Variants in PTPRD observed in about 807,000 individuals in gnomAD.
The protein encoded by PTPRD is protein tyrosine phosphatase receptor type D.
In PTPRD, 34 loss-of-function variants were observed where a neutral mutation model predicts 214.5. That is an observed-to-expected ratio of 0.16 (90% CI 0.12 to 0.21). The LOEUF is 0.21. Ranked by LOEUF, PTPRD falls within the 10% of genes least tolerant of loss-of-function variation. The probability of loss-of-function intolerance (pLI) is 1.00; values close to 1 mark genes in which losing one functional copy is unlikely to be tolerated. For synonymous variants in PTPRD, 1,128 were observed against 845.7 expected, an observed-to-expected ratio of 1.33 and a Z score of -5.79; for missense variants, 2,545 against 2,398.7, an observed-to-expected ratio of 1.06 and a Z score of -1.27.
intron 9 of PTPRD, among the ~76,000 whole-genome samples, chr9:9,316,340 C>T (rs1183020261): frequency 1.3e-5 from 2 of 151,950 alleles, no homozygotes; most frequent in Non-Finnish European, 2.9e-5. Flanking sequence ...GATTGAATTG[C>T]AGACACATTT....
At chr9:8,774,715 G>C (rs186546160) in intron 11 of PTPRD, among the ~76,000 whole-genome samples, 2 of 151,724 alleles carry the variant, frequency 1.3e-5, no homozygotes, top group South Asian at 4.2e-4. Context: ...TGTATTTTTA[G>C]TAGAGACGGG....
chr9:10,129,932 T>C lies in PTPRD; in HGVS notation c.-544-96142A>G, dbSNP rs1334936373. 2.0e-5 allele frequency among the ~76,000 whole-genome samples: 3 copies of C among 152,082 alleles called. No homozygotes were observed. In the East Asian group the frequency reaches 5.8e-4, roughly 29 times the overall value. On this transcript the variant is annotated intron_variant, in intron 3 of 45. Coordinates refer to ENST00000381196, the MANE Select transcript of PTPRD (RefSeq NM_002839.4). ...GTTTGGTTTAGTGGAAATAACCAAA[T>C]GTTTTTTTTTAAATATTCTTTCCCT... is the stretch of plus-strand genomic sequence containing the variant.
At chr9:8,334,353 A>AATCAATC (rs1473838033) in intron 43 of PTPRD, among the ~76,000 whole-genome samples, 5 of 151,898 alleles carry the variant, frequency 3.3e-5, no homozygotes, top group Non-Finnish European at 5.9e-5. Context: ...ACCACAGTGC[A>AATCAATC]ATCAAATTAG....
At chr9:8,356,381 G>A (rs1443827801) in intron 39 of PTPRD, among the ~76,000 whole-genome samples, 10 of 152,084 alleles carry the variant, frequency 6.6e-5, no homozygotes, top group African/African-American at 7.2e-5. Flanking sequence ...TATGACCAAG[G>A]GGCACAGCAA....
At chr9:10,000,669 C>T (rs543006464) in intron 4 of PTPRD, among the ~76,000 whole-genome samples, 3 of 152,116 alleles carry the variant, frequency 2.0e-5, no homozygotes, top group Admixed American at 6.5e-5. Flanking sequence ...AAACAGCTCC[C>T]GAAACATTTC....
At chr9:9,929,885 C>G (rs1190900343) in intron 5 of PTPRD, among the ~76,000 whole-genome samples, 1 of 152,160 alleles carries the variant, frequency 6.6e-6, no homozygotes, top group Non-Finnish European at 1.5e-5. Flanking sequence ...GGTCTGTTTT[C>G]TTTTGCCATA....
At chr9:8,323,313 A>G (rs1434856921) in intron 44 of PTPRD, among the ~76,000 whole-genome samples, 3 of 152,208 alleles carry the variant, frequency 2.0e-5, no homozygotes, top group Non-Finnish European at 2.9e-5. Context: ...CTGCAGCCCA[A>G]TGGATCAAGG....
intron 9 of PTPRD, among the ~76,000 whole-genome samples, chr9:9,351,359 G>A (rs959321146): frequency 6.6e-6 from 1 of 152,056 alleles, no homozygotes; most frequent in African/African-American, 2.4e-5. Context: ...TATAGAATCT[G>A]AAGGGATTAG....
At chr9:8,767,127 T>C (rs1028450011) in intron 11 of PTPRD, among the ~76,000 whole-genome samples, 8 of 151,952 alleles carry the variant, frequency 5.3e-5, no homozygotes, top group Admixed American at 2.6e-4. Context: ...CTTTTTTTTC[T>C]TTTTTTTGAG....
In PTPRD at chr9:10,465,860, A is replaced by G. The variant is rs147645487; in HGVS notation, c.-599-124843T>C. On this transcript the variant is annotated intron_variant, in intron 2 of 45. Coordinates refer to ENST00000381196, the MANE Select transcript of PTPRD (RefSeq NM_002839.4). Reference sequence around the variant, plus strand: ...TGTCTTCATTGTTAAGCAGCGCATGACTGTTTATACAGATCCTAAATACTA... The same window carrying G: ...TGTCTTCATTGTTAAGCAGCGCATGGCTGTTTATACAGATCCTAAATACTA... Among the ~76,000 whole-genome samples, 31 of 152,316 alleles carry G rather than the reference A, an allele frequency of 2.0e-4. No homozygotes were observed. In the East Asian group the frequency reaches 4.6e-3, roughly 23 times the overall value.
chr9:9,621,360 C>T (rs2095229252), intron 7 of PTPRD, among the ~76,000 whole-genome samples: 2 of 152,114 alleles, frequency 1.3e-5, no homozygotes, highest in Non-Finnish European at 1.5e-5. Flanking sequence ...AATGACTTTC[C>T]ACATCCCTCA....
rs1292957457 is a variant in PTPRD at position 9,275,195 on chromosome 9, TATATTATATATA to T, written c.-202-91844_-202-91833del. ...ATATAATATATATGTTATATATATA[TATATTATATATA>T]TATATATATAACCATTAGCATTTCA... is the stretch of plus-strand genomic sequence containing the variant. On this transcript the variant is annotated intron_variant, in intron 9 of 45. Coordinates refer to ENST00000381196, the MANE Select transcript of PTPRD (RefSeq NM_002839.4). Among the ~76,000 whole-genome samples the T allele has an allele frequency of 1.3e-3, 13 of 10,170 alleles. No homozygotes were observed. The Admixed American group carries it at 0.018, about 14-fold the overall frequency. The allele number at this position is 10,170 out of a possible 152,430, so 6.7% of individuals were successfully genotyped here.
intron 7 of PTPRD, among the ~76,000 whole-genome samples, chr9:9,618,940 T>C (rs2095066928): frequency 6.6e-6 from 1 of 151,780 alleles, no homozygotes; most frequent in African/African-American, 2.4e-5. Context: ...AGAATAAATG[T>C]CCCAAGACAT....
chr9:9,355,690 T>C (rs1405181139), intron 9 of PTPRD, among the ~76,000 whole-genome samples: 1 of 151,482 alleles, frequency 6.6e-6, no homozygotes, highest in Non-Finnish European at 1.5e-5. Context: ...AGATGTAAAT[T>C]GGAAGTCACA....
At chr9:9,717,713 G>T (rs2097858599) in intron 7 of PTPRD, among the ~76,000 whole-genome samples, 1 of 152,108 alleles carries the variant, frequency 6.6e-6, no homozygotes. Context: ...AGGGAATAAT[G>T]GGAATACCAA....
intron 2 of PTPRD, among the ~76,000 whole-genome samples, chr9:10,494,301 T>C (rs888415036): frequency 6.6e-6 from 1 of 151,870 alleles, no homozygotes; most frequent in African/African-American, 2.4e-5. Flanking sequence ...TCTGATTACA[T>C]GCATTTCTAT....
chr9:8,467,689 C>T (rs1591312758), intron 31 of PTPRD, among the ~76,000 whole-genome samples: 1 of 137,664 alleles, frequency 7.3e-6, no homozygotes, highest in African/African-American at 2.5e-5. Context: ...TGTTCTAACT[C>T]TGTGTATTTA....
At chr9:8,481,117 G>C (rs1237519098) in intron 30 of PTPRD, among the ~76,000 whole-genome samples, 2 of 131,288 alleles carry the variant, frequency 1.5e-5, no homozygotes, top group African/African-American at 6.0e-5. Flanking sequence ...GCCGGCCTGG[G>C]CAACAGAGTT....
At chr9:10,151,962 T>C (rs987827868) in intron 3 of PTPRD, among the ~76,000 whole-genome samples, 1 of 152,212 alleles carries the variant, frequency 6.6e-6, no homozygotes, top group African/African-American at 2.4e-5. Context: ...ATTTAGGCTG[T>C]TTTCAATTTG....
Sources: allele counts gnomAD v4.1 joint callset (sites outside exome capture counted in the v4.1 genomes callset), GRCh38; gene constraint gnomAD v4.1.1; transcripts MANE v1.5; gene names NCBI Gene and HGNC (gene_info 2026-07-23, HGNC 2026-07-21).